Variants in SLC71A2 observed in about 807,000 individuals in gnomAD.
SLC71A2 encodes hippocampus abundant transcript-like 1.
the SLC71A2 span, among the ~76,000 whole-genome samples, chr9:94,447,632 G>C: frequency 6.6e-6 from 1 of 152,012 alleles, no homozygotes; most frequent in Non-Finnish European, 1.5e-5. Flanking sequence ...CCACGAGGGT[G>C]GGAAATTTTT....
the SLC71A2 span, among the ~76,000 whole-genome samples, chr9:94,380,257 C>T: frequency 4.6e-5 from 7 of 151,596 alleles, no homozygotes; most frequent in Non-Finnish European, 1.0e-4. Context: ...GGCGACAGAG[C>T]GAGACTCTTT....
the SLC71A2 span, among the ~76,000 whole-genome samples, chr9:94,457,486 T>C: frequency 6.6e-6 from 1 of 152,076 alleles, no homozygotes; most frequent in Non-Finnish European, 1.5e-5. Context: ...TTAGGTATCT[T>C]ACTCAGATTC....
At chr9:94,409,991 A>G in the SLC71A2 span, among the ~76,000 whole-genome samples, 235 of 145,066 alleles carry the variant, frequency 1.6e-3, 1 homozygote, top group Admixed American at 3.1e-3. Flanking sequence ...TAATTGTTCT[A>G]TCAGTTACTG....
the SLC71A2 span, among the ~76,000 whole-genome samples, chr9:94,424,350 T>G: frequency 6.6e-6 from 1 of 151,846 alleles, no homozygotes; most frequent in Middle Eastern, 3.2e-3. Context: ...TTCTCCTGCT[T>G]TAGCCTCCTG....
chr9:94,407,387 T>G, the SLC71A2 span, among the ~76,000 whole-genome samples: 1 of 150,984 alleles, frequency 6.6e-6, no homozygotes, highest in African/African-American at 2.4e-5. Flanking sequence ...TTTTCTTTTT[T>G]TTTTTTTTTG....
At chr9:94,401,374 G>C in the SLC71A2 span, among the ~76,000 whole-genome samples, 2 of 152,052 alleles carry the variant, frequency 1.3e-5, no homozygotes, top group Non-Finnish European at 2.9e-5. Flanking sequence ...GGGTTTCACC[G>C]TGTTGGCCAG....
the SLC71A2 span, among the ~76,000 whole-genome samples, chr9:94,454,672 T>A: frequency 1.6e-4 from 25 of 152,124 alleles, no homozygotes; most frequent in Non-Finnish European, 2.8e-4. Flanking sequence ...CCACATATGC[T>A]AATTTTTAGA....
chr9:94,422,353 G>GAATCCTCTTAGCAAAT, the SLC71A2 span, among the ~76,000 whole-genome samples: 1 of 152,110 alleles, frequency 6.6e-6, no homozygotes, highest in Non-Finnish European at 1.5e-5. Flanking sequence ...CAGAGTCCTG[G>GAATCCTCTTAGCAAAT]AATCCTCTTA....
the SLC71A2 span, chr9:94,459,193 T>C: frequency 6.2e-7 from 1 of 1,614,052 alleles, no homozygotes; most frequent in Non-Finnish European, 8.5e-7. Flanking sequence ...CGTTTTTATT[T>C]GGGGCATGTA....
At chr9:94,460,164 A>G in the SLC71A2 span, 1 of 152,500 alleles carries the variant, frequency 6.6e-6, no homozygotes, top group South Asian at 2.1e-4. Context: ...GAAGAAAAAA[A>G]CAACTCAAGC....
the SLC71A2 span, among the ~76,000 whole-genome samples, chr9:94,378,903 T>G: frequency 4.0e-5 from 6 of 150,550 alleles, no homozygotes; most frequent in Non-Finnish European, 8.9e-5. Context: ...TCTTGGCCTT[T>G]TGGAGATTAA....
the SLC71A2 span, among the ~76,000 whole-genome samples, chr9:94,409,121 C>T: frequency 3.5e-5 from 5 of 144,138 alleles, no homozygotes; most frequent in African/African-American, 1.1e-4. Flanking sequence ...GCCACTGCGC[C>T]CGGCCTCCTT....
chr9:94,445,012 G>C, the SLC71A2 span: 2 of 1,614,170 alleles, frequency 1.2e-6, no homozygotes, highest in East Asian at 4.5e-5. Context: ...GGCCATTGGA[G>C]CATATCTTTC....
At chr9:94,450,624 G>T in the SLC71A2 span, among the ~76,000 whole-genome samples, 1 of 151,546 alleles carries the variant, frequency 6.6e-6, no homozygotes, top group African/African-American at 2.4e-5. Flanking sequence ...TGAGTAGCTG[G>T]GATTACAGGC....
At chr9:94,417,802 T>G in the SLC71A2 span, among the ~76,000 whole-genome samples, 11 of 151,348 alleles carry the variant, frequency 7.3e-5, no homozygotes, top group Admixed American at 7.3e-4. Context: ...TCTTCAAATA[T>G]TTTTACTGTC....
At chr9:94,433,280 C>T in the SLC71A2 span, 1 of 166,568 alleles carries the variant, frequency 6.0e-6, no homozygotes, top group Admixed American at 6.1e-5. Context: ...GCCCTCGGAT[C>T]CCCCTGGACT....
At chr9:94,437,634 CTCT>C in the SLC71A2 span, among the ~76,000 whole-genome samples, 1 of 151,044 alleles carries the variant, frequency 6.6e-6, no homozygotes, top group Non-Finnish European at 1.5e-5. Flanking sequence ...ATGTACACTC[CTCT>C]TCTTTATCCC....
At chr9:94,380,554 A>G in the SLC71A2 span, among the ~76,000 whole-genome samples, 1 of 54,672 alleles carries the variant, frequency 1.8e-5, no homozygotes, top group African/African-American at 8.1e-5. Context: ...TGCACCCGGG[A>G]ACTCCAGGGC....
the SLC71A2 span, among the ~76,000 whole-genome samples, chr9:94,397,872 T>C: frequency 6.6e-6 from 1 of 152,258 alleles, no homozygotes; most frequent in Non-Finnish European, 1.5e-5. Context: ...ATGTTAACCT[T>C]GATCACCTGG....
Sources: gnomAD v4.1 joint callset for allele counts (sites outside exome capture counted in the v4.1 genomes callset) on GRCh38, gnomAD v4.1.1 for gene constraint, MANE v1.5 for transcripts, NCBI Gene and HGNC (gene_info 2026-07-23, HGNC 2026-07-21) for gene names.